The following TP53AIP1 variants were observed in gnomAD, a reference collection of about 807,000 sequenced individuals.
TP53AIP1 encodes p53-regulated apoptosis-inducing protein 1.
Under a neutral mutation model 9.5 loss-of-function variants are expected in TP53AIP1, and 14 were observed. The ratio of observed to expected loss-of-function variants is 1.47; its 90% CI spans 0.97 to 2.30. The LOEUF (loss-of-function observed/expected upper bound fraction) is 2.30. TP53AIP1 is among the 30% of genes most tolerant of loss of function. The pLI is 0.00. For missense variants in TP53AIP1, 153 were observed against 146.7 expected (o/e 1.04, Z -0.22); for synonymous variants, 73 against 61.2 (o/e 1.19, Z -0.90).
rs573921206 is a variant in TP53AIP1 at position 128,935,753 on chromosome 11, T to C, written c.254-41A>G. 20 of 1,500,782 alleles carry C rather than the reference T, an allele frequency of 1.3e-5. No individual in the cohort carries two copies. In the South Asian group the frequency reaches 1.8e-4, roughly 14 times the overall value. The allele number at this position is 1,500,782 out of a possible 1,614,324, so 93.0% of individuals were successfully genotyped here. ...GAGAATTTACTCTTTGCAAAACGTA[T>C]GGAGTCCTTGTTATTTACCAAATAT... On this transcript the variant is annotated intron_variant, in intron 3 of 3. Transcript: ENST00000531399.
At chr11:128,936,448 T>TGTC in intron 3 of TP53AIP1, 90 bp downstream of exon 3, 2 of 1,440,478 alleles carry the variant, frequency 1.4e-6, no homozygotes, top group Non-Finnish European at 9.1e-7. Flanking sequence ...AAAAACCCTA[T>TGTC]GTCGTTACCT....
rs1555049408 is a variant in TP53AIP1, at chr11:128,935,510, T to TTTG, written c.*80_*81insCAA. ...GCTGGAGCCATTTCTCGACGGTGCT[T>TTTG]TCTGTTTGTTTGTTTGTTTTTGTTT... is the stretch of plus-strand genomic sequence containing the variant. On this transcript the variant is annotated 3_prime_UTR_variant, in exon 4 of 4. Coordinates refer to ENST00000531399, the MANE Select transcript of TP53AIP1 (RefSeq NM_022112.3). The TTTG allele has an allele frequency of 7.9e-6, 11 of 1,390,546 alleles. No homozygotes were observed. The highest frequency in any genetic ancestry group is 1.6e-5 in the African/African-American group (1 of 61,468). 86.1% of individuals were successfully genotyped at this position (1,390,546 alleles called of 1,614,324 possible).
At chr11:128,941,069 G>A (rs1247782572) in intron 1 of TP53AIP1, among the ~76,000 whole-genome samples, 4 of 136,494 alleles carry the variant, frequency 2.9e-5, no homozygotes. Context: ...GGGGCGGGAT[G>A]AGGAGAGCCA....
At chr11:128,934,947 C>CT (rs1177215675), downstream of TP53AIP1, 1 of 701,594 alleles carries the variant, frequency 1.4e-6, no homozygotes, top group African/African-American at 1.7e-5. Context: ...CACACCAATG[C>CT]TTTTCCCCCA....
downstream of TP53AIP1, chr11:128,935,071 T>C: frequency 1.4e-6 from 1 of 704,428 alleles, no homozygotes; most frequent in Non-Finnish European, 2.6e-6. Flanking sequence ...AAAACCAAGC[T>C]ATCAATGCCG....
chr11:128,936,072 C>T (rs953724177), intron 3 of TP53AIP1: 56 of 771,516 alleles, frequency 7.3e-5, no homozygotes, highest in Non-Finnish European at 8.4e-5. Context: ...TTCCATTTTA[C>T]AGACACCTAC....
intron 1 of TP53AIP1, among the ~76,000 whole-genome samples, chr11:128,941,360 C>A (rs1030797743): frequency 2.0e-5 from 3 of 152,198 alleles, no homozygotes; most frequent in Admixed American, 2.0e-4. Context: ...CCTCCCTAAC[C>A]TCCTCCCAGC....
intron 3 of TP53AIP1, 52 bp from the exon 4 acceptor site, chr11:128,935,764 T>C (rs1944810319): frequency 1.4e-6 from 2 of 1,477,184 alleles, no homozygotes; most frequent in Non-Finnish European, 8.9e-7. Context: ...GGAGTCCTTG[T>C]TATTTACCAA....
At chr11:128,940,030 C>A (rs569367171) in intron 1 of TP53AIP1, among the ~76,000 whole-genome samples, 2 of 152,280 alleles carry the variant, frequency 1.3e-5, no homozygotes, top group African/African-American at 2.4e-5. Context: ...ACCCAGCCCC[C>A]CCTTGCTCCA....
chr11:128,942,245 G>A (rs1047764402), intron 1 of TP53AIP1, among the ~76,000 whole-genome samples: 1 of 152,144 alleles, frequency 6.6e-6, no homozygotes, highest in Non-Finnish European at 1.5e-5. Flanking sequence ...CACAGCTCGC[G>A]TCCTTCCTCT....
downstream of TP53AIP1, chr11:128,934,875 C>T: frequency 3.1e-6 from 2 of 637,088 alleles, no homozygotes; most frequent in South Asian, 1.7e-5. Flanking sequence ...ACTGGGGATC[C>T]TCGGAAGTGT....
chr11:128,939,428 G>A lies in TP53AIP1; in HGVS notation c.-76-1534C>T, dbSNP rs965913631. Among the ~76,000 whole-genome samples the A allele has an allele frequency of 6.6e-6, 1 of 152,208 alleles. No individual in the cohort carries two copies. The highest frequency in any genetic ancestry group is 1.9e-4 in the East Asian group (1 of 5,202). On this transcript the variant is annotated intron_variant, in intron 1 of 3. Coordinates refer to ENST00000531399, the MANE Select transcript of TP53AIP1 (RefSeq NM_022112.3). The surrounding 1 kb of genome is among the most constrained non-coding windows in gnomAD (Gnocchi z 4.1). ...GTCACCATGTGGCCTGCTGGGGTCT[G>A]CAGGATAGAAGGCGTGAGGTGAAGA...
downstream of TP53AIP1, chr11:128,934,839 C>T (rs181117687): frequency 1.6e-3 from 959 of 592,160 alleles, 3 homozygotes; most frequent in Non-Finnish European, 2.3e-3. Context: ...TTGTGGCATC[C>T]AATGTGGGCG....
At chr11:128,934,883 T>G (rs764644980), downstream of TP53AIP1, 1 of 648,478 alleles carries the variant, frequency 1.5e-6, no homozygotes, top group South Asian at 1.7e-5. Flanking sequence ...TCCTCGGAAG[T>G]GTCATGTAGA....
chr11:128,940,383 C>A (rs1172603211), intron 1 of TP53AIP1, among the ~76,000 whole-genome samples: 1 of 152,214 alleles, frequency 6.6e-6, no homozygotes, highest in African/African-American at 2.4e-5. Flanking sequence ...GTTTCCCCCG[C>A]AAAATCCAGG....
At chr11:128,941,304 T>C (rs537218148) in intron 1 of TP53AIP1, among the ~76,000 whole-genome samples, 291 of 152,212 alleles carry the variant, frequency 1.9e-3, no homozygotes, top group African/African-American at 6.5e-3. Flanking sequence ...CCCTGGCCAG[T>C]GTCCATGGGT....
In TP53AIP1 at chr11:128,935,435, C is replaced by T; in HGVS notation, c.*156G>A. The T allele has an allele frequency of 7.1e-7, 1 of 1,417,474 alleles. No homozygotes were observed. The highest frequency in any genetic ancestry group is 9.2e-7 in the Non-Finnish European group (1 of 1,092,426). 87.8% of individuals were successfully genotyped at this position (1,417,474 alleles called of 1,614,324 possible). On this transcript the variant is annotated 3_prime_UTR_variant, in exon 4 of 4. Transcript: ENST00000531399. Reference sequence around the variant, plus strand: ...GATGCAAAATGAGGCAACCTAGCCACCCAACTGGCCCAGTGGTCAAGGGGG... The same window carrying T: ...GATGCAAAATGAGGCAACCTAGCCATCCAACTGGCCCAGTGGTCAAGGGGG...
intron 3 of TP53AIP1, 58 bp downstream of exon 3, chr11:128,936,480 A>T: frequency 6.7e-7 from 1 of 1,489,096 alleles, no homozygotes; most frequent in Non-Finnish European, 8.9e-7. Flanking sequence ...GAGGACATCA[A>T]ATCACTTAAT....
chr11:128,937,648 A>G lies in TP53AIP1; in HGVS notation c.141+30T>C, dbSNP rs567283204. 3.7e-6 allele frequency: 6 copies of G among 1,613,888 alleles called. No homozygotes were observed. Among genetic ancestry groups the G allele is most frequent in the Non-Finnish European group, 3.4e-6 (4 of 1,179,950 alleles). On this transcript the variant is annotated intron_variant, in intron 2 of 3. Transcript: ENST00000531399. This position sits in a 1 kb window ranked among gnomAD's most constrained non-coding sequence, Gnocchi z 4.8. ...TGCCCGGGGCTGTGGCAGGCAAAAG[A>G]CCGTCTCGGTTTTCACTGCAGGGAC...
Sources: gnomAD v4.1 joint callset for allele counts (sites outside exome capture counted in the v4.1 genomes callset) on GRCh38, gnomAD v4.1.1 for gene constraint, Gnocchi (gnomAD v3.1) non-coding constraint, MANE v1.5 for transcripts, NCBI Gene and HGNC (gene_info 2026-07-23, HGNC 2026-07-21) for gene names.